SLC5A7: variants seen among roughly 807,000 people sequenced by gnomAD.
SLC5A7 encodes the protein solute carrier family 5 member 7.
In SLC5A7, 19 loss-of-function variants were observed where a neutral mutation model predicts 55.4. The ratio of observed to expected loss-of-function variants is 0.34; its 90% CI spans 0.24 to 0.50. The LOEUF is 0.50. SLC5A7 is among the 20% of genes least tolerant of loss of function. The pLI, the probability that SLC5A7 is intolerant of heterozygous loss-of-function variation, is 0.98. For synonymous variants in SLC5A7, 265 were observed against 263.7 expected (o/e 1.00, Z -0.05); for missense variants, 506 against 705.3 (o/e 0.72, Z 3.20).
Position 108,008,541 on chromosome 2 carries a change from G to A in SLC5A7, c.972G>A (p.Leu324=). Residue 324 remains leucine, a synonymous_variant, in exon 8 of 9, where the codon CTG becomes CTA. Coordinates refer to ENST00000264047, the MANE Select transcript of SLC5A7 (RefSeq NM_021815.5). The stretch of plus-strand genomic sequence containing the variant: ...CAGACATGATTTTACCAATTGTTCT[G>A]CAGTATCTCTGCCCTGTGTATATTT... ...EEADMILPIV[L]QYLCPVYISF... 1 of 1,613,550 alleles carries A rather than the reference G, an allele frequency of 6.2e-7. No homozygotes were observed. Among genetic ancestry groups the A allele is most frequent in the South Asian group, 1.1e-5 (1 of 91,030 alleles).
chr2:107,991,527 C>CA (rs1677452400), intron 2 of SLC5A7, among the ~76,000 whole-genome samples: 1 of 152,100 alleles, frequency 6.6e-6, no homozygotes, highest in Non-Finnish European at 1.5e-5. Context: ...CTGATATCCC[C>CA]AGAGTGTTCA....
At chr2:107,994,180 C>T in intron 4 of SLC5A7, among the ~76,000 whole-genome samples, 1 of 152,196 alleles carries the variant, frequency 6.6e-6, no homozygotes, top group East Asian at 1.9e-4. Flanking sequence ...CCGCCTTCAG[C>T]ACATCCAATT....
At chr2:108,000,235 T>G (rs1460512265) in intron 5 of SLC5A7, among the ~76,000 whole-genome samples, 1 of 152,120 alleles carries the variant, frequency 6.6e-6, no homozygotes, top group Non-Finnish European at 1.5e-5. Context: ...CTTCAATTCT[T>G]TATTCTTCTA....
intron 4 of SLC5A7, among the ~76,000 whole-genome samples, chr2:107,997,036 G>A (rs1677697392): frequency 6.6e-6 from 1 of 152,120 alleles, no homozygotes. Context: ...GCCTAGTAGG[G>A]GGCAGAGTAA....
At chr2:107,998,063 G>A in intron 5 of SLC5A7, 77 bp downstream of exon 5, 1 of 1,357,520 alleles carries the variant, frequency 7.4e-7, no homozygotes, top group Non-Finnish European at 9.8e-7. Flanking sequence ...CATTAAAAAT[G>A]AGTAGAAATA....
intron 6 of SLC5A7, among the ~76,000 whole-genome samples, chr2:108,002,806 C>T (rs1344315157): frequency 2.0e-5 from 3 of 151,964 alleles, no homozygotes; most frequent in Admixed American, 6.6e-5. Context: ...CACTTTGAGG[C>T]CAGGAGTTTG....
chr2:108,008,795 T>A, intron 8 of SLC5A7, 113 bp downstream of exon 8: 1 of 730,934 alleles, frequency 1.4e-6, no homozygotes, highest in East Asian at 3.0e-5. Context: ...ATGTTAAATC[T>A]GACTGTACTT....
rs1353967816 is a variant in SLC5A7, at chr2:108,010,899, A to G, written c.*38A>G. 6.6e-7 allele frequency: 1 copy of G among 1,520,494 alleles called. No homozygotes were observed. The highest frequency in any genetic ancestry group is 2.3e-5 in the East Asian group (1 of 44,322). 94.2% of individuals were successfully genotyped at this position (1,520,494 alleles called of 1,614,324 possible). A position where few individuals can be genotyped will look rare whatever the true frequency, so the allele number is the denominator to read the frequency against. On this transcript the variant is annotated 3_prime_UTR_variant, in exon 9 of 9. Transcript: ENST00000264047. ...AAAATACTGCTTTTGCAAACAGAAC[A>G]CTGTAATAGGGTAGTTCTGGAGAGA... is the stretch of plus-strand genomic sequence containing the variant.
rs1275909564 is a variant in SLC5A7, at chr2:108,011,430, T to G, written c.*569T>G. The G allele has an allele frequency of 2.0e-5, 3 of 152,200 alleles. No individual in the cohort carries two copies. The highest frequency in any genetic ancestry group is 7.2e-5 in the African/African-American group (3 of 41,456). 9.4% of individuals were successfully genotyped at this position (152,200 alleles called of 1,614,324 possible). ...ATTCTTTTATTAATGGCATGTAATA[T>G]TCTGAGCACGGGCAAAGAAAACACA... On this transcript the variant is annotated 3_prime_UTR_variant, in exon 9 of 9. Coordinates refer to ENST00000264047, the MANE Select transcript of SLC5A7 (RefSeq NM_021815.5).
intron 5 of SLC5A7, among the ~76,000 whole-genome samples, chr2:108,001,411 C>T (rs1398076776): frequency 2.0e-5 from 3 of 152,062 alleles, no homozygotes; most frequent in East Asian, 3.9e-4. Flanking sequence ...CGGTGGCTCA[C>T]GCCTGTAATC....
At chr2:107,992,084 C>A in intron 2 of SLC5A7, 22 bp from the exon 3 acceptor site, 3 of 1,525,996 alleles carry the variant, frequency 2.0e-6, no homozygotes, top group East Asian at 2.3e-5. Flanking sequence ...GTATCACTCC[C>A]TCACTTTTCA....
intron 1 of SLC5A7, among the ~76,000 whole-genome samples, chr2:107,987,135 G>T (rs1343535477): frequency 1.3e-5 from 2 of 152,070 alleles, no homozygotes; most frequent in African/African-American, 4.8e-5. Context: ...TCACCCACCT[G>T]CACGCACAAA....
chr2:108,005,200 A>G (rs765252297), intron 6 of SLC5A7, among the ~76,000 whole-genome samples: 3 of 152,236 alleles, frequency 2.0e-5, no homozygotes, highest in Non-Finnish European at 4.4e-5. Context: ...TGCAATGCTC[A>G]CTGCGGAAAA....
At chr2:107,999,684 C>T in intron 5 of SLC5A7, among the ~76,000 whole-genome samples, 1 of 152,248 alleles carries the variant, frequency 6.6e-6, no homozygotes, top group East Asian at 1.9e-4. Flanking sequence ...ACCTTCTTTT[C>T]TCAAATTCTC....
At chr2:107,987,881 T>C (rs911806710) in intron 1 of SLC5A7, among the ~76,000 whole-genome samples, 1 of 152,244 alleles carries the variant, frequency 6.6e-6, no homozygotes, top group Admixed American at 6.5e-5. Flanking sequence ...ATTTCCGTTT[T>C]TTTTTCTGTT....
intron 6 of SLC5A7, among the ~76,000 whole-genome samples, chr2:108,003,181 G>A (rs1050934763): frequency 6.6e-6 from 1 of 152,120 alleles, no homozygotes; most frequent in South Asian, 2.1e-4. Context: ...AGGAGTAAGA[G>A]TAAATATGTA....
chr2:107,987,391 T>A (rs1353515560), intron 1 of SLC5A7, among the ~76,000 whole-genome samples: 3 of 152,140 alleles, frequency 2.0e-5, no homozygotes, highest in Non-Finnish European at 4.4e-5. Flanking sequence ...TTTTCCTGTA[T>A]GTACCATTAA....
intron 4 of SLC5A7, among the ~76,000 whole-genome samples, chr2:107,994,564 C>A (rs1054154928): frequency 2.0e-5 from 3 of 151,748 alleles, no homozygotes; most frequent in Non-Finnish European, 1.5e-5. Flanking sequence ...CCAGCCTGGG[C>A]GACAGAGTGA....
At position 107,988,113 on chromosome 2, in the gene SLC5A7, A is replaced by T. The variant is rs1677316460; in HGVS notation, c.-43A>T. 6.3e-7 allele frequency: 1 copy of T among 1,594,000 alleles called. No individual in the cohort carries two copies. The highest frequency in any genetic ancestry group is 1.3e-5 in the African/African-American group (1 of 74,398). ...CCCTGTATTTTCTTCAGAAGACTTA[A>T]TGAAGTAGCCAGCTGCAGAAGAATC... On this transcript the variant is annotated 5_prime_UTR_variant, in exon 2 of 9. It removes an upstream start codon present in the reference 5' UTR. Transcript: ENST00000264047.
Sources: gnomAD v4.1 joint callset for allele counts (sites outside exome capture counted in the v4.1 genomes callset) on GRCh38, gnomAD v4.1.1 for gene constraint, MANE v1.5 for transcripts, NCBI Gene and HGNC (gene_info 2026-07-23, HGNC 2026-07-21) for gene names.